CDH10: variants seen among roughly 807,000 people sequenced by gnomAD.
The protein encoded by CDH10 is cadherin 10.
Under a neutral mutation model 73.1 loss-of-function variants are expected in CDH10, and 30 were observed. That is an observed-to-expected ratio of 0.41 (90% CI 0.31 to 0.56). The LOEUF (loss-of-function observed/expected upper bound fraction) is 0.56. Among genes scored for constraint, CDH10 ranks in the 20% least tolerant of loss-of-function variants. The probability of loss-of-function intolerance (pLI) is 0.27; values close to 1 mark genes in which losing one functional copy is unlikely to be tolerated. For synonymous variants in CDH10, 345 were observed against 348.2 expected (o/e 0.99, Z 0.10); for missense variants, 815 against 973.7 (o/e 0.84, Z 2.17).
chr5:24,542,128 G>T (rs1044538157), intron 2 of CDH10, among the ~76,000 whole-genome samples: 9 of 152,010 alleles, frequency 5.9e-5, no homozygotes, highest in African/African-American at 2.2e-4. Context: ...TGTATAAAAT[G>T]AAATTTATAA....
intron 9 of CDH10, among the ~76,000 whole-genome samples, chr5:24,494,476 A>G (rs1182443818): frequency 1.3e-5 from 2 of 152,004 alleles, no homozygotes; most frequent in African/African-American, 4.8e-5. Flanking sequence ...CATTAAGATT[A>G]ATATTTTAAC....
chr5:24,581,485 T>A (rs2112056014), intron 2 of CDH10, among the ~76,000 whole-genome samples: 1 of 152,310 alleles, frequency 6.6e-6, no homozygotes, highest in South Asian at 2.1e-4. Context: ...ATAAGAATAA[T>A]ATGTCTCACA....
At chr5:24,511,545 C>A (rs7443837) in intron 5 of CDH10, 31 bp from the exon 6 acceptor site, 2 of 573,164 alleles carry the variant, frequency 3.5e-6, no homozygotes, top group Non-Finnish European at 5.9e-6. Context: ...AAGAGAGAGA[C>A]AGAGAGAGAG....
intron 2 of CDH10, among the ~76,000 whole-genome samples, chr5:24,562,743 G>T (rs892760554): frequency 1.3e-5 from 2 of 152,082 alleles, no homozygotes; most frequent in Non-Finnish European, 2.9e-5. Flanking sequence ...TAACACTAGA[G>T]ATCCTAACCA....
At chr5:24,558,464 T>A (rs372568120) in intron 2 of CDH10, among the ~76,000 whole-genome samples, 5 of 151,854 alleles carry the variant, frequency 3.3e-5, no homozygotes, top group African/African-American at 7.2e-5. Flanking sequence ...AAATCTTTTT[T>A]AAAAATTGTA....
Position 24,492,888 on chromosome 5 carries a change from G to T in CDH10, c.1553C>A (p.Pro518His), listed in dbSNP as rs1742113647. ...GAAAAAAAATTTCTGTCCACCTAAA[G>T]GGTCATCTTTGTCTACTGCACTTAT... ...QTISAVDKDD[P>H]LGGQKFFFSL... Residue 518 changes from proline (P) to histidine (H), a missense_variant, in exon 10 of 12, where the codon CCT becomes CAT. Pro to His is a moderately conservative substitution (Grantham distance 77). Around this residue, in one of 3 missense-constraint regions of CDH10, gnomAD observed 516 missense variants for 636.6 expected, o/e 0.81. Transcript: ENST00000264463. 6.3e-7 allele frequency: 1 copy of T among 1,578,014 alleles called. No individual in the cohort carries two copies. The highest frequency in any genetic ancestry group is 8.7e-7 in the Non-Finnish European group (1 of 1,147,506).
intron 2 of CDH10, among the ~76,000 whole-genome samples, chr5:24,558,188 G>C (rs1379796694): frequency 1.0e-5 from 1 of 98,268 alleles, no homozygotes; most frequent in Non-Finnish European, 2.1e-5. Flanking sequence ...ATAATGTTGA[G>C]AATTATTTGT....
intron 5 of CDH10, among the ~76,000 whole-genome samples, chr5:24,513,599 CAT>C (rs1742999073): frequency 6.6e-6 from 1 of 152,172 alleles, no homozygotes; most frequent in Non-Finnish European, 1.5e-5. Context: ...TGACTACAGG[CAT>C]ATACATACGC....
At chr5:24,493,171 G>A (rs912132974) in intron 9 of CDH10, among the ~76,000 whole-genome samples, 1 of 151,660 alleles carries the variant, frequency 6.6e-6, no homozygotes, top group African/African-American at 2.4e-5. Flanking sequence ...ATATTATTTA[G>A]GGTTTTATTA....
chr5:24,497,534 T>C (rs1238207101), intron 9 of CDH10, among the ~76,000 whole-genome samples: 1 of 152,234 alleles, frequency 6.6e-6, no homozygotes, highest in Non-Finnish European at 1.5e-5. Flanking sequence ...TGAATTCTTG[T>C]TAGAATCTTC....
At chr5:24,597,469 T>C (rs1746411365) in intron 1 of CDH10, among the ~76,000 whole-genome samples, 1 of 152,126 alleles carries the variant, frequency 6.6e-6, no homozygotes, top group Admixed American at 6.6e-5. Context: ...ATAAGCTATA[T>C]GGCGACTGCA....
intron 9 of CDH10, among the ~76,000 whole-genome samples, chr5:24,498,167 C>T (rs535081979): frequency 6.6e-6 from 1 of 152,068 alleles, no homozygotes; most frequent in South Asian, 2.1e-4. Context: ...TTTGTGGCAA[C>T]AATAAAATTT....
chr5:24,637,126 T>A (rs895557238), intron 1 of CDH10, among the ~76,000 whole-genome samples: 2 of 151,970 alleles, frequency 1.3e-5, no homozygotes, highest in South Asian at 2.1e-4. Flanking sequence ...AGCTGGAATA[T>A]AACAAGTCAT....
chr5:24,538,958 T>C (rs541986479), intron 2 of CDH10, among the ~76,000 whole-genome samples: 2 of 152,244 alleles, frequency 1.3e-5, no homozygotes, highest in East Asian at 3.9e-4. Flanking sequence ...ACAGTTTTAT[T>C]ATGTGCAATG....
chr5:24,570,992 G>A (rs1745361230), intron 2 of CDH10, among the ~76,000 whole-genome samples: 1 of 152,022 alleles, frequency 6.6e-6, no homozygotes, highest in African/African-American at 2.4e-5. Context: ...TCCTGATGAC[G>A]TGTTTTAAAA....
At chr5:24,583,705 G>A (rs1745880997) in intron 2 of CDH10, among the ~76,000 whole-genome samples, 1 of 152,118 alleles carries the variant, frequency 6.6e-6, no homozygotes, top group Admixed American at 6.5e-5. Context: ...GAGTGCAGTG[G>A]CGCAGTCTCC....
intron 1 of CDH10, among the ~76,000 whole-genome samples, chr5:24,642,685 A>G (rs563787799): frequency 1.4e-4 from 21 of 152,292 alleles, no homozygotes; most frequent in African/African-American, 4.8e-4. Flanking sequence ...AACATCACCT[A>G]GAGCATTAAT....
At chr5:24,526,249 G>A (rs1450012570) in intron 5 of CDH10, among the ~76,000 whole-genome samples, 1 of 151,862 alleles carries the variant, frequency 6.6e-6, no homozygotes, top group Admixed American at 6.6e-5. Context: ...AAGTAGTTCC[G>A]TCTAAGGCAA....
chr5:24,492,133 T>C (rs932138161), intron 10 of CDH10, among the ~76,000 whole-genome samples: 2 of 152,208 alleles, frequency 1.3e-5, no homozygotes, highest in Non-Finnish European at 2.9e-5. Flanking sequence ...GGCTTTTCTC[T>C]TTTCAAAAAA....
Sources: allele counts gnomAD v4.1 joint callset (sites outside exome capture counted in the v4.1 genomes callset), GRCh38; gene constraint gnomAD v4.1.1; regional missense constraint gnomAD v4.1.1; transcripts MANE v1.5; gene names NCBI Gene and HGNC (gene_info 2026-07-23, HGNC 2026-07-21).